The following HPS4 variants were observed in gnomAD, a reference collection of about 807,000 sequenced individuals.
HPS4 encodes HPS4 biogenesis of lysosomal organelles complex 3 subunit 2.
HPS4 carries 44 observed loss-of-function variants against 70.3 expected under a neutral mutation model. That is an observed-to-expected ratio of 0.63 (90% CI 0.49 to 0.80). The LOEUF is 0.80. Among genes scored for constraint, HPS4 ranks in the 30% least tolerant of loss-of-function variants. The probability of loss-of-function intolerance (pLI) is 0.00; values close to 1 mark genes in which losing one functional copy is unlikely to be tolerated. For synonymous variants in HPS4, 377 were observed against 355.9 expected (o/e 1.06, Z -0.67); for missense variants, 873 against 884.4 (o/e 0.99, Z 0.16).
rs751954729 is a variant in HPS4, at chr22:26,451,054, A to C, written c.*2179T>G. Among the ~76,000 whole-genome samples the C allele has an allele frequency of 2.0e-5, 3 of 152,146 alleles. No individual in the cohort carries two copies. Among genetic ancestry groups the C allele is most frequent in the Non-Finnish European group, 2.9e-5 (2 of 68,018 alleles). ...CTTTTCTGCCCTGAAGAGTCACTAG[A>C]ATCTGTGGTCCTGGATCACTGACAG... is the stretch of plus-strand genomic sequence containing the variant. On this transcript the variant is annotated 3_prime_UTR_variant, in exon 14 of 14. Transcript: ENST00000398145.
At chr22:26,458,802 TAGAG>T (rs1327637207) in intron 11 of HPS4, among the ~76,000 whole-genome samples, 1 of 148,384 alleles carries the variant, frequency 6.7e-6, no homozygotes, top group East Asian at 2.0e-4. Context: ...GCCTGGGTGA[TAGAG>T]TGAGACTCTG....
At chr22:26,478,678 C>T (rs927077286) in intron 3 of HPS4, among the ~76,000 whole-genome samples, 9 of 151,340 alleles carry the variant, frequency 5.9e-5, no homozygotes, top group African/African-American at 2.2e-4. Context: ...TGTTTGAATA[C>T]AAACTTATTT....
chr22:26,464,153 C>T lies in HPS4; in HGVS notation c.1477G>A (p.Asp493Asn). 6.2e-7 allele frequency: 1 copy of T among 1,614,282 alleles called. No individual in the cohort carries two copies. Among genetic ancestry groups the T allele is most frequent in the Non-Finnish European group, 8.5e-7 (1 of 1,180,054 alleles). The change falls in exon 11 of 14, where the codon GAT (aspartate) becomes AAT (asparagine). Residue 493 changes from aspartate (D) to asparagine (N), a missense_variant. Coordinates refer to ENST00000398145, the MANE Select transcript of HPS4 (RefSeq NM_022081.6). ...LPTGEQGLDE[D>N]VDGVCESHAA... is the part of the protein sequence containing the mutation. ...TGGCTTTCACAGACCCCATCAACAT[C>T]CTCATCCAGGCCTTGTTCCCCCGTG...
chr22:26,455,776 A>C (rs2086009746), intron 13 of HPS4, among the ~76,000 whole-genome samples: 1 of 152,092 alleles, frequency 6.6e-6, no homozygotes, highest in African/African-American at 2.4e-5. Context: ...TGTTGTTTCT[A>C]TTACTGTTAT....
chr22:26,483,451 A>C (rs2091512147), intron 1 of HPS4, among the ~76,000 whole-genome samples: 2 of 152,224 alleles, frequency 1.3e-5, no homozygotes, highest in Admixed American at 1.3e-4. Flanking sequence ...AGGGCTGGAA[A>C]ACGGACGCTA....
At chr22:26,469,016 G>A (rs569127394) in intron 7 of HPS4, among the ~76,000 whole-genome samples, 16 of 152,264 alleles carry the variant, frequency 1.1e-4, no homozygotes, top group East Asian at 5.8e-4. Flanking sequence ...CACTGTATGC[G>A]TTGAGAAACC....
At chr22:26,480,501 C>A (rs2091168292) in intron 2 of HPS4, among the ~76,000 whole-genome samples, 1 of 152,114 alleles carries the variant, frequency 6.6e-6, no homozygotes, top group African/African-American at 2.4e-5. Context: ...TCTCTGAGAA[C>A]ACATTTATGA....
At position 26,466,449 on chromosome 22, in the gene HPS4, T is replaced by C. The variant is rs2088639688; in HGVS notation, c.670-187A>G. The C allele has an allele frequency of 2.1e-5, 15 of 703,328 alleles. No homozygotes were observed. In the South Asian group the frequency reaches 2.3e-4, roughly 11 times the overall value. The allele number at this position is 703,328 out of a possible 1,614,324, so 43.6% of individuals were successfully genotyped here. The stretch of plus-strand genomic sequence containing the variant: ...CCAAGCTGCTGGCTCCCACTATGGC[T>C]GGGATGAAGCAAGAACCTGGGCCCA... On this transcript the variant is annotated intron_variant, in intron 8 of 13. Coordinates refer to ENST00000398145, the MANE Select transcript of HPS4 (RefSeq NM_022081.6).
Position 26,482,060 on chromosome 22 carries a change from G to A in HPS4, c.-298C>T, listed in dbSNP as rs1341881960. 5.0e-6 allele frequency: 2 copies of A among 402,154 alleles called. No homozygotes were observed. The highest frequency in any genetic ancestry group is 9.4e-6 in the Non-Finnish European group (2 of 213,164). 24.9% of individuals were successfully genotyped at this position (402,154 alleles called of 1,614,324 possible). ...CAAATCCATTCCTCTGGTTTCCTAAGTATCACTGTGGCTGTCTGCAGAACC... is the reference window on the plus strand; with the variant it reads ...CAAATCCATTCCTCTGGTTTCCTAAATATCACTGTGGCTGTCTGCAGAACC... On this transcript the variant is annotated 5_prime_UTR_variant, in exon 2 of 14. Transcript: ENST00000398145.
chr22:26,468,619 C>T lies in HPS4; in HGVS notation c.601G>A (p.Val201Ile), dbSNP rs2045719222. The change falls in exon 8 of 14, where the codon GTC (valine) becomes ATC (isoleucine). Residue 201 changes from valine to isoleucine, a missense_variant. Transcript: ENST00000398145. The part of the protein sequence containing the change: ...AGCILYKGLI[V>I]STQLPPSLTA... ...AGGGAGGGCGGGAGTTGGGTGCTGA[C>T]AATCCTAGGAGGTCACACACAGAAC... The T allele has an allele frequency of 2.5e-6, 4 of 1,613,650 alleles. No homozygotes were observed. The highest frequency in any genetic ancestry group is 3.4e-6 in the Non-Finnish European group (4 of 1,179,814).
In HPS4 at chr22:26,477,151, C is replaced by G. The variant is rs754244508; in HGVS notation, c.133-15G>C. ...TCTAGCAGGGTCTGTGGGAAAGGAG[C>G]ACATTCCAGATAGGAAGCTGAAATT... On this transcript the variant is annotated splice_polypyrimidine_tract_variant and intron_variant, in intron 3 of 13. Coordinates refer to ENST00000398145, the MANE Select transcript of HPS4 (RefSeq NM_022081.6). 3 of 1,614,014 alleles carry G rather than the reference C, an allele frequency of 1.9e-6. No homozygotes were observed. The highest frequency in any genetic ancestry group is 2.5e-6 in the Non-Finnish European group (3 of 1,179,908).
At chr22:26,474,415 C>T (rs563907267) in intron 4 of HPS4, among the ~76,000 whole-genome samples, 9 of 151,700 alleles carry the variant, frequency 5.9e-5, no homozygotes, top group African/African-American at 2.2e-4. Flanking sequence ...TCTATTCACA[C>T]CATTCACAAA....
At chr22:26,464,943 G>T in intron 10 of HPS4, 117 bp from the exon 11 acceptor site, 1 of 891,960 alleles carries the variant, frequency 1.1e-6, no homozygotes, top group Non-Finnish European at 1.7e-6. Flanking sequence ...TGAGGCCACA[G>T]AGCCTAAGAG....
chr22:26,477,276 T>TA, intron 3 of HPS4, 140 bp from the exon 4 acceptor site: 1 of 839,486 alleles, frequency 1.2e-6, no homozygotes, highest in South Asian at 1.5e-5. Context: ...GAATGGTTCT[T>TA]ATACTTTTTA....
intron 7 of HPS4, among the ~76,000 whole-genome samples, chr22:26,470,221 A>C (rs1306769562): frequency 6.6e-6 from 1 of 152,246 alleles, no homozygotes; most frequent in Non-Finnish European, 1.5e-5. Context: ...TACATGAAGA[A>C]GTGAAGTGAA....
intron 6 of HPS4, chr22:26,471,035 G>T: frequency 2.3e-6 from 2 of 857,592 alleles, no homozygotes; most frequent in Non-Finnish European, 1.9e-6. Context: ...TTAGAACAAG[G>T]AGGCCTGTCC....
At chr22:26,473,070 G>A in intron 4 of HPS4, 131 bp from the exon 5 acceptor site, 1 of 752,568 alleles carries the variant, frequency 1.3e-6, no homozygotes. Context: ...TTGTCCCTGA[G>A]TCCACACCCT....
rs369719765 is a variant in HPS4, at chr22:26,470,822, G to C, written c.502-9C>G. ...AACAACAGGGGCTCCACCTGTGCAG[G>C]GCAAGAGGCATCATGCCCACCCATC... On this transcript the variant is annotated splice_polypyrimidine_tract_variant and intron_variant, in intron 6 of 13. Coordinates refer to ENST00000398145, the MANE Select transcript of HPS4 (RefSeq NM_022081.6). 10 of 1,614,132 alleles carry C rather than the reference G, an allele frequency of 6.2e-6. No individual in the cohort carries two copies. In the East Asian group the frequency reaches 2.2e-4, roughly 36 times the overall value.
At chr22:26,460,329 C>T (rs1044033491) in intron 11 of HPS4, among the ~76,000 whole-genome samples, 1 of 152,228 alleles carries the variant, frequency 6.6e-6, no homozygotes, top group African/African-American at 2.4e-5. Flanking sequence ...ACTGAGAGAG[C>T]CTGACCAACA....
Sources: gnomAD v4.1 joint callset for allele counts (sites outside exome capture counted in the v4.1 genomes callset) on GRCh38, gnomAD v4.1.1 for gene constraint, MANE v1.5 for transcripts, NCBI Gene and HGNC (gene_info 2026-07-23, HGNC 2026-07-21) for gene names.